Variants in RAB7A observed in about 807,000 individuals in gnomAD.
RAB7A encodes the protein RAB7A, member RAS oncogene family.
In RAB7A, 2 loss-of-function variants were observed where a neutral mutation model predicts 24.5. The observed-to-expected ratio is 0.08, with a 90% CI of 0.03 to 0.26. The LOEUF (loss-of-function observed/expected upper bound fraction) is 0.26. Ranked by LOEUF, RAB7A falls within the 10% of genes least tolerant of loss-of-function variation. The pLI, the probability that RAB7A is intolerant of heterozygous loss-of-function variation, is 1.00. For missense variants in RAB7A, 118 were observed against 255.7 expected, an observed-to-expected ratio of 0.46 and a Z score of 3.67; for synonymous variants, 100 against 95.9, an observed-to-expected ratio of 1.04 and a Z score of -0.25.
intron 1 of RAB7A, among the ~76,000 whole-genome samples, chr3:128,750,905 C>G (rs1268185992): frequency 6.6e-6 from 1 of 152,206 alleles, no homozygotes; most frequent in African/African-American, 2.4e-5. Context: ...ACTTGGTGCC[C>G]TGCGTCTCAG....
At chr3:128,740,369 GA>G (rs2070540444) in intron 1 of RAB7A, among the ~76,000 whole-genome samples, 1 of 152,136 alleles carries the variant, frequency 6.6e-6, no homozygotes, top group South Asian at 2.1e-4. Context: ...AACAGAGAAA[GA>G]AAAGTATTTA....
At position 128,814,330 on chromosome 3, in the gene RAB7A, A is replaced by C. The variant is rs546868558; in HGVS notation, c.*908A>C. On this transcript the variant is annotated 3_prime_UTR_variant, in exon 6 of 6. Coordinates refer to ENST00000265062, the MANE Select transcript of RAB7A (RefSeq NM_004637.6). ...TTCCCTTCTGTGTCTAAATTTTCCA[A>C]AACGTTGATTTGCATAATACAGTGG... The C allele has an allele frequency of 4.6e-5, 7 of 152,724 alleles. No homozygotes were observed. The highest frequency in any genetic ancestry group is 7.3e-5 in the Non-Finnish European group (5 of 68,060). The allele number at this position is 152,724 out of a possible 1,614,324, so 9.5% of individuals were successfully genotyped here.
intron 1 of RAB7A, among the ~76,000 whole-genome samples, chr3:128,737,496 A>G (rs2070501750): frequency 1.3e-5 from 2 of 151,478 alleles, no homozygotes; most frequent in Admixed American, 6.6e-5. Flanking sequence ...GGTGTGCACC[A>G]CCATGCCCCA....
intron 1 of RAB7A, among the ~76,000 whole-genome samples, chr3:128,788,489 C>T (rs552497028): frequency 1.3e-5 from 2 of 152,278 alleles, no homozygotes; most frequent in East Asian, 3.9e-4. Flanking sequence ...AGGTGGAAAA[C>T]ATGAACATCA....
At chr3:128,798,655 T>A (rs955632975) in intron 3 of RAB7A, among the ~76,000 whole-genome samples, 2 of 151,960 alleles carry the variant, frequency 1.3e-5, no homozygotes, top group African/African-American at 4.8e-5. Context: ...TATTCCCTTT[T>A]TTTCCCCCAT....
intron 1 of RAB7A, among the ~76,000 whole-genome samples, chr3:128,779,690 C>T (rs1933178370): frequency 6.6e-6 from 1 of 152,122 alleles, no homozygotes; most frequent in Admixed American, 6.5e-5. Flanking sequence ...CTCCTAGGCT[C>T]AGGAGATTCT....
chr3:128,764,453 A>C lies in RAB7A; in HGVS notation c.-8-30907A>C, dbSNP rs181814910. 89 of 760,908 alleles carry C rather than the reference A, an allele frequency of 1.2e-4. No homozygotes were observed. In the African/African-American group the frequency reaches 1.4e-3, roughly 12 times the overall value. The allele number at this position is 760,908 out of a possible 1,614,324, so 47.1% of individuals were successfully genotyped here. ...GAATTCGCCCCATGGCTATGGGGAA[A>C]TTAGCCTGAGGCTTAGTTTTCATTA... On this transcript the variant is annotated intron_variant, in intron 1 of 5. Transcript: ENST00000265062.
At chr3:128,737,725 G>A (rs1291952749) in intron 1 of RAB7A, among the ~76,000 whole-genome samples, 3 of 146,902 alleles carry the variant, frequency 2.0e-5, no homozygotes, top group African/African-American at 2.5e-5. Flanking sequence ...ATGGCTCACC[G>A]CAGCCACGCC....
rs144035484 is a variant in RAB7A, at chr3:128,790,120, C to T, written c.-8-5240C>T. On this transcript the variant is annotated intron_variant, in intron 1 of 5. Transcript: ENST00000265062. ...TGGCTCTTTTCTAGAAACAAGTGTC[C>T]CATTCTTGATCTGGGAGAACATTAA... Among the ~76,000 whole-genome samples the T allele has an allele frequency of 7.0e-4, 107 of 152,218 alleles. No homozygotes were observed. The East Asian group carries it at 0.019, about 27-fold the overall frequency.
chr3:128,728,875 C>T (rs1278888373), intron 1 of RAB7A, among the ~76,000 whole-genome samples: 1 of 152,098 alleles, frequency 6.6e-6, no homozygotes, highest in African/African-American at 2.4e-5. Context: ...GGATTTTTTT[C>T]TTCAGCTGGC....
chr3:128,767,091 G>A (rs1006227557), intron 1 of RAB7A, among the ~76,000 whole-genome samples: 2 of 152,096 alleles, frequency 1.3e-5, no homozygotes, highest in African/African-American at 4.8e-5. Flanking sequence ...CCTAGTGCCT[G>A]ATCCTGCCTC....
At chr3:128,773,570 C>T (rs927938000) in intron 1 of RAB7A, among the ~76,000 whole-genome samples, 40 of 152,192 alleles carry the variant, frequency 2.6e-4, no homozygotes, top group African/African-American at 9.6e-4. Flanking sequence ...TCTGCCCGGC[C>T]ACCACCCCGT....
intron 1 of RAB7A, among the ~76,000 whole-genome samples, chr3:128,754,000 G>C (rs1337905928): frequency 6.6e-6 from 1 of 151,832 alleles, no homozygotes; most frequent in African/African-American, 2.4e-5. Context: ...TAAAACTACA[G>C]CACCAGATGA....
At chr3:128,743,608 G>A (rs1281103214) in intron 1 of RAB7A, among the ~76,000 whole-genome samples, 2 of 152,138 alleles carry the variant, frequency 1.3e-5, no homozygotes, top group Non-Finnish European at 2.9e-5. Flanking sequence ...GTGGACTAAA[G>A]GAACCACAGA....
chr3:128,772,045 CAT>C (rs1461633881), intron 1 of RAB7A, among the ~76,000 whole-genome samples: 4 of 152,182 alleles, frequency 2.6e-5, no homozygotes, highest in African/African-American at 7.2e-5. Flanking sequence ...AAAATGAACA[CAT>C]GTTAAAAATT....
chr3:128,764,482 C>G (rs1408953768), intron 1 of RAB7A: 1 of 780,452 alleles, frequency 1.3e-6, no homozygotes, highest in Non-Finnish European at 2.3e-6. Context: ...TTCATTATCA[C>G]TGTCTCCCAG....
At chr3:128,793,153 A>G (rs566685180) in intron 1 of RAB7A, among the ~76,000 whole-genome samples, 112 of 152,316 alleles carry the variant, frequency 7.4e-4, no homozygotes, top group Admixed American at 1.9e-3. Flanking sequence ...CCTCCTGAGT[A>G]GCTGGGACTA....
At chr3:128,769,510 T>C (rs2070864855) in intron 1 of RAB7A, among the ~76,000 whole-genome samples, 1 of 152,236 alleles carries the variant, frequency 6.6e-6, no homozygotes, top group African/African-American at 2.4e-5. Flanking sequence ...TTGAGAGTTC[T>C]TTGTATATTC....
At chr3:128,757,573 A>G (rs1261683299) in intron 1 of RAB7A, among the ~76,000 whole-genome samples, 2 of 150,546 alleles carry the variant, frequency 1.3e-5, no homozygotes, top group Non-Finnish European at 3.0e-5. Flanking sequence ...AGGCTGGAGT[A>G]TAGTGGCATG....
Sources: allele counts gnomAD v4.1 joint callset (sites outside exome capture counted in the v4.1 genomes callset), GRCh38; gene constraint gnomAD v4.1.1; transcripts MANE v1.5; gene names NCBI Gene and HGNC (gene_info 2026-07-23, HGNC 2026-07-21).